The following NRXN3 variants were observed in gnomAD, a reference collection of about 807,000 sequenced individuals.
NRXN3 encodes neurexin III.
NRXN3 carries 32 observed loss-of-function variants against 137.6 expected under a neutral mutation model. The observed-to-expected ratio is 0.23, with a 90% CI of 0.18 to 0.31. NRXN3 has a LOEUF of 0.31. Among genes scored for constraint, NRXN3 ranks in the 10% least tolerant of loss-of-function variants. NRXN3 has a pLI of 1.00. For missense variants in NRXN3, 1,574 were observed against 2,062.5 expected, an observed-to-expected ratio of 0.76 and a Z score of 4.59; for synonymous variants, 798 against 784.5, an observed-to-expected ratio of 1.02 and a Z score of -0.29.
rs375100455 is a variant in NRXN3 at position 79,503,712 on chromosome 14, A to C, written c.3444+36310A>C. ...GTTGGGAGAACTTCAAGAGGTGAAC[A>C]AAGTTTTATTCCTTTTTGGATTCCC... On this transcript the variant is annotated intron_variant, in intron 16 of 20. Coordinates refer to ENST00000335750, the MANE Select transcript of NRXN3 (RefSeq NM_001330195.2). Among the ~76,000 whole-genome samples the C allele has an allele frequency of 3.9e-5, 6 of 152,242 alleles. No individual in the cohort carries two copies. In the East Asian group the frequency reaches 1.2e-3, roughly 30 times the overall value.
chr14:79,054,429 C>G (rs376157424), intron 15 of NRXN3, among the ~76,000 whole-genome samples: 16 of 152,246 alleles, frequency 1.1e-4, no homozygotes, highest in Admixed American at 2.0e-4. Context: ...TCCTTGATGA[C>G]CATCTCCTAC....
At chr14:79,764,858 C>T (rs966711260) in intron 19 of NRXN3, among the ~76,000 whole-genome samples, 1 of 152,222 alleles carries the variant, frequency 6.6e-6, no homozygotes, top group Non-Finnish European at 1.5e-5. Flanking sequence ...CCTAGTGCAT[C>T]TGCTAATTCC....
intron 4 of NRXN3, among the ~76,000 whole-genome samples, chr14:78,366,903 A>G (rs1194815607): frequency 2.6e-5 from 4 of 152,194 alleles, no homozygotes; most frequent in Admixed American, 2.6e-4. Context: ...TTTAATCTGC[A>G]TAGGCTCAAG....
intron 10 of NRXN3, among the ~76,000 whole-genome samples, chr14:78,888,848 T>TACACACAC (rs59053009): frequency 6.8e-6 from 1 of 146,318 alleles, no homozygotes; most frequent in African/African-American, 2.5e-5. Context: ...ATCACACACA[T>TACACACAC]ACACACACAC....
At chr14:78,204,752 A>G (rs2062021541) in intron 1 of NRXN3, among the ~76,000 whole-genome samples, 1 of 152,246 alleles carries the variant, frequency 6.6e-6, no homozygotes, top group Non-Finnish European at 1.5e-5. Flanking sequence ...TCTAGCAGGC[A>G]CATGTATTAT....
chr14:78,939,268 T>G (rs539710152), intron 10 of NRXN3, among the ~76,000 whole-genome samples: 66 of 152,330 alleles, frequency 4.3e-4, no homozygotes, highest in African/African-American at 1.5e-3. Flanking sequence ...AAAAGCCTCC[T>G]AGACCAAGCT....
intron 19 of NRXN3, among the ~76,000 whole-genome samples, chr14:79,771,197 C>A (rs1044050287): frequency 3.9e-5 from 6 of 152,084 alleles, no homozygotes; most frequent in Non-Finnish European, 7.4e-5. Flanking sequence ...ACCAGAGGTA[C>A]AAGGAGGAAC....
intron 15 of NRXN3, among the ~76,000 whole-genome samples, chr14:79,134,260 G>A (rs1054719867): frequency 6.6e-6 from 1 of 152,196 alleles, no homozygotes; most frequent in Admixed American, 6.5e-5. Context: ...ATATGGGAAA[G>A]CTAAGAAAGA....
At chr14:79,606,961 GGCTGGCAAGTTTT>G (rs1288967907) in intron 16 of NRXN3, among the ~76,000 whole-genome samples, 1 of 152,170 alleles carries the variant, frequency 6.6e-6, no homozygotes. Context: ...CATCCTGTTT[GGCTGGCAAGTTTT>G]GCTTTAGAAA....
At chr14:78,383,799 A>G (rs895404632) in intron 4 of NRXN3, among the ~76,000 whole-genome samples, 6 of 152,190 alleles carry the variant, frequency 3.9e-5, no homozygotes, top group African/African-American at 1.4e-4. Context: ...GATGCATAGA[A>G]GGTACTCAGT....
intron 4 of NRXN3, among the ~76,000 whole-genome samples, chr14:78,480,939 A>G (rs1187379807): frequency 6.6e-6 from 1 of 151,740 alleles, no homozygotes; most frequent in Non-Finnish European, 1.5e-5. Context: ...TCCATGTTCC[A>G]TCTTTCCTCT....
chr14:78,935,377 C>T (rs979096361), intron 10 of NRXN3, among the ~76,000 whole-genome samples: 1 of 152,172 alleles, frequency 6.6e-6, no homozygotes, highest in East Asian at 1.9e-4. Context: ...ATGTATAGAG[C>T]CATCCCTTGG....
At chr14:78,863,412 T>C (rs1314875257) in intron 10 of NRXN3, among the ~76,000 whole-genome samples, 1 of 152,080 alleles carries the variant, frequency 6.6e-6, no homozygotes, top group African/African-American at 2.4e-5. Flanking sequence ...TTTTTTCCAT[T>C]GTTGTTTCTT....
intron 10 of NRXN3, among the ~76,000 whole-genome samples, chr14:78,911,451 T>C (rs1201506961): frequency 6.6e-6 from 1 of 152,238 alleles, no homozygotes; most frequent in Non-Finnish European, 1.5e-5. Flanking sequence ...GTACTTTTTA[T>C]TCTGGTTACT....
At chr14:79,107,186 T>G (rs927290596) in intron 15 of NRXN3, among the ~76,000 whole-genome samples, 3 of 152,114 alleles carry the variant, frequency 2.0e-5, no homozygotes, top group Non-Finnish European at 4.4e-5. Flanking sequence ...TAAAGTTCAT[T>G]TAATACAACC....
chr14:79,705,671 G>A (rs1603443239), intron 19 of NRXN3, among the ~76,000 whole-genome samples: 2 of 152,116 alleles, frequency 1.3e-5, no homozygotes, highest in Middle Eastern at 6.8e-3. Flanking sequence ...GCCTGCAGCA[G>A]CCCTTCCCTG....
intron 15 of NRXN3, among the ~76,000 whole-genome samples, chr14:79,172,429 G>A (rs937122682): frequency 1.5e-4 from 23 of 152,180 alleles, no homozygotes; most frequent in Admixed American, 5.9e-4. Flanking sequence ...ATCTCTGAAA[G>A]AAAGGGAGAA....
chr14:79,233,713 T>A (rs907272563), intron 15 of NRXN3, among the ~76,000 whole-genome samples: 2 of 151,706 alleles, frequency 1.3e-5, no homozygotes, highest in Non-Finnish European at 2.9e-5. Context: ...GATCAGAAAC[T>A]TTATAACGAG....
At chr14:79,801,732 G>A (rs769547076) in intron 19 of NRXN3, among the ~76,000 whole-genome samples, 2 of 152,132 alleles carry the variant, frequency 1.3e-5, no homozygotes, top group African/African-American at 4.8e-5. Context: ...CTGTTGCCTG[G>A]GAAGAACACT....
Sources: gnomAD v4.1 joint callset for allele counts (sites outside exome capture counted in the v4.1 genomes callset) on GRCh38, gnomAD v4.1.1 for gene constraint, MANE v1.5 for transcripts, NCBI Gene and HGNC (gene_info 2026-07-23, HGNC 2026-07-21) for gene names.